Variants in PLXNA2 observed in about 807,000 individuals in gnomAD.
The protein encoded by PLXNA2 is plexin-A2.
PLXNA2 carries 91 observed loss-of-function variants against 193.5 expected under a neutral mutation model. The ratio of observed to expected loss-of-function variants is 0.47; its 90% CI spans 0.40 to 0.56. PLXNA2 has a LOEUF of 0.56. Ranked by LOEUF, PLXNA2 falls within the 20% of genes least tolerant of loss-of-function variation. The pLI is 0.00. For synonymous variants in PLXNA2, 997 were observed against 1,027.3 expected (o/e 0.97, Z 0.56); for missense variants, 1,995 against 2,503.2 (o/e 0.80, Z 4.33).
intron 3 of PLXNA2, among the ~76,000 whole-genome samples, chr1:208,209,782 A>G (rs908304892): frequency 2.0e-5 from 3 of 152,162 alleles, no homozygotes; most frequent in Non-Finnish European, 4.4e-5. Flanking sequence ...TTCAGGCATC[A>G]TATACCATCA....
chr1:208,073,719 T>C (rs1420734074), intron 12 of PLXNA2, among the ~76,000 whole-genome samples: 1 of 151,458 alleles, frequency 6.6e-6, no homozygotes, highest in Non-Finnish European at 1.5e-5. Flanking sequence ...CGTATTAAAA[T>C]GAGATAATTA....
chr1:208,045,565 G>GACCTC (rs1665033420), intron 18 of PLXNA2, among the ~76,000 whole-genome samples: 3 of 152,184 alleles, frequency 2.0e-5, no homozygotes, highest in Non-Finnish European at 2.9e-5. Context: ...AAATGTGTGT[G>GACCTC]TGGGCTCCTG....
At chr1:208,127,179 T>C (rs559417172) in intron 4 of PLXNA2, among the ~76,000 whole-genome samples, 7 of 152,288 alleles carry the variant, frequency 4.6e-5, no homozygotes, top group African/African-American at 1.7e-4. Context: ...TCCAAGGAGA[T>C]GGCCTGAAGA....
intron 3 of PLXNA2, among the ~76,000 whole-genome samples, chr1:208,151,608 C>T (rs1050756075): frequency 2.0e-5 from 3 of 152,208 alleles, no homozygotes; most frequent in Non-Finnish European, 4.4e-5. Flanking sequence ...TAGCTTCTCT[C>T]TCTTTATAAG....
intron 24 of PLXNA2, 50 bp from the exon 25 acceptor site, chr1:208,039,034 T>A: frequency 5.1e-6 from 8 of 1,564,942 alleles, no homozygotes; most frequent in Non-Finnish European, 7.0e-6. Context: ...AAGGAGTAGT[T>A]TGAGGGAGAG....
intron 3 of PLXNA2, among the ~76,000 whole-genome samples, chr1:208,179,264 G>A (rs1015985279): frequency 1.3e-5 from 2 of 152,184 alleles, no homozygotes; most frequent in Admixed American, 6.5e-5. Context: ...CAATAATGAT[G>A]ATAATAGCAC....
chr1:208,155,473 C>T (rs1668910149), intron 3 of PLXNA2, among the ~76,000 whole-genome samples: 2 of 152,190 alleles, frequency 1.3e-5, no homozygotes, highest in Admixed American at 6.5e-5. Flanking sequence ...CCCTCCCACA[C>T]CCCCACTCTT....
At chr1:208,237,681 C>T (rs967415165) in intron 1 of PLXNA2, among the ~76,000 whole-genome samples, 9 of 152,276 alleles carry the variant, frequency 5.9e-5, no homozygotes, top group Admixed American at 4.6e-4. Context: ...CTCTGAGTCT[C>T]TCCTGGAAAT....
Position 208,039,530 on chromosome 1 carries a change from G to C in PLXNA2, c.4500+91C>G, listed in dbSNP as rs1571850023. ...AGACCAGCCTCCCATCCTCTTTATT[G>C]ACCCCCTAGACTGCTTTTATGGACA... On this transcript the variant is annotated intron_variant, in intron 24 of 31. Coordinates refer to ENST00000367033, the MANE Select transcript of PLXNA2 (RefSeq NM_025179.4). 6.5e-6 allele frequency: 10 copies of C among 1,537,796 alleles called. No homozygotes were observed. In the East Asian group the frequency reaches 2.0e-4, roughly 31 times the overall value.
At chr1:208,041,698 G>A (rs1460604802) in intron 22 of PLXNA2, among the ~76,000 whole-genome samples, 2 of 152,350 alleles carry the variant, frequency 1.3e-5, no homozygotes, top group East Asian at 3.9e-4. Flanking sequence ...AGGGGCCGCT[G>A]TGCCGGACAG....
chr1:208,200,886 G>A (rs1239377750), intron 3 of PLXNA2, among the ~76,000 whole-genome samples: 5 of 152,056 alleles, frequency 3.3e-5, no homozygotes, highest in African/African-American at 7.2e-5. Context: ...GATTACAGGC[G>A]TGAACAACCG....
intron 4 of PLXNA2, among the ~76,000 whole-genome samples, chr1:208,142,035 T>C (rs1668471204): frequency 6.6e-6 from 1 of 152,242 alleles, no homozygotes. Flanking sequence ...GCAGTAAATC[T>C]ACCTCCTAAT....
chr1:208,219,655 C>G (rs771845868), intron 1 of PLXNA2, among the ~76,000 whole-genome samples: 1 of 152,196 alleles, frequency 6.6e-6, no homozygotes, highest in African/African-American at 2.4e-5. Flanking sequence ...TCTTTAGGAA[C>G]GACCCTTCCT....
intron 13 of PLXNA2, among the ~76,000 whole-genome samples, chr1:208,057,754 A>G (rs1185880026): frequency 2.0e-5 from 3 of 152,198 alleles, no homozygotes; most frequent in Non-Finnish European, 4.4e-5. Flanking sequence ...CCAAACAGCC[A>G]TCCAGCTTTG....
chr1:208,171,507 C>T (rs17041878), intron 3 of PLXNA2, among the ~76,000 whole-genome samples: 1,922 of 152,242 alleles, frequency 0.013, 48 homozygotes, highest in African/African-American at 0.044. Context: ...CTAACCTGCT[C>T]GCTAACCTCT....
chr1:208,183,435 C>T (rs1312642146), intron 3 of PLXNA2, among the ~76,000 whole-genome samples: 1 of 152,174 alleles, frequency 6.6e-6, no homozygotes, highest in African/African-American at 2.4e-5. Flanking sequence ...CTGCAGGCCT[C>T]GTTGACTCTG....
rs550813050 is a variant in PLXNA2, at chr1:208,231,197, G to C, written c.-81+12446C>G. On this transcript the variant is annotated intron_variant, in intron 1 of 31. Coordinates refer to ENST00000367033, the MANE Select transcript of PLXNA2 (RefSeq NM_025179.4). ...GACAGGGGGAAGAATGTGCTGATGG[G>C]GAGCAGGGTGGGAATGGCAGGCCGG... Among the ~76,000 whole-genome samples the C allele has an allele frequency of 3.3e-5, 5 of 152,224 alleles. No homozygotes were observed. In the South Asian group the frequency reaches 1.0e-3, roughly 32 times the overall value.
intron 4 of PLXNA2, among the ~76,000 whole-genome samples, chr1:208,116,274 A>G (rs1203415941): frequency 1.3e-5 from 2 of 152,184 alleles, no homozygotes; most frequent in African/African-American, 4.8e-5. Flanking sequence ...TGCACTTTTT[A>G]TACTCTTCTT....
At chr1:208,042,609 G>A (rs1326637414) in intron 21 of PLXNA2, among the ~76,000 whole-genome samples, 1 of 152,190 alleles carries the variant, frequency 6.6e-6, no homozygotes, top group East Asian at 1.9e-4. Context: ...GGAGCTCTCA[G>A]AGGGGAGGCT....
Sources: allele counts gnomAD v4.1 joint callset (sites outside exome capture counted in the v4.1 genomes callset), GRCh38; gene constraint gnomAD v4.1.1; transcripts MANE v1.5; gene names NCBI Gene and HGNC (gene_info 2026-07-23, HGNC 2026-07-21).